Variants in BNIP3L observed in about 807,000 individuals in gnomAD.
The protein encoded by BNIP3L is BCL2 interacting protein 3 like, also known as BCL2/adenovirus E1B 19 kDa protein-interacting protein 3-like.
BNIP3L carries 10 observed loss-of-function variants against 25.5 expected under a neutral mutation model. That is an observed-to-expected ratio of 0.39 (90% CI 0.24 to 0.67). BNIP3L has a LOEUF of 0.67. BNIP3L is among the 30% of genes least tolerant of loss of function. BNIP3L has a pLI of 0.45. For missense variants in BNIP3L, 215 were observed against 270.9 expected (o/e 0.79, Z 1.45); for synonymous variants, 113 against 101.2 (o/e 1.12, Z -0.70).
chr8:26,407,321 G>T (rs546553227), intron 3 of BNIP3L, among the ~76,000 whole-genome samples: 1 of 152,152 alleles, frequency 6.6e-6, no homozygotes, highest in East Asian at 1.9e-4. Flanking sequence ...GAGTAGCTGG[G>T]ACTACAGGTG....
intron 1 of BNIP3L, among the ~76,000 whole-genome samples, chr8:26,390,847 T>A (rs919913016): frequency 6.6e-6 from 1 of 152,158 alleles, no homozygotes; most frequent in Non-Finnish European, 1.5e-5. Context: ...GCAGCTTAGG[T>A]AGACTATGAA....
intron 3 of BNIP3L, among the ~76,000 whole-genome samples, chr8:26,401,717 TTTTAAA>T (rs1391205316): frequency 2.0e-5 from 3 of 152,060 alleles, no homozygotes; most frequent in Non-Finnish European, 4.4e-5. Context: ...TTGAGATAAA[TTTTAAA>T]TTTATCTAAA....
chr8:26,410,025 T>A (rs761162227), intron 5 of BNIP3L, among the ~76,000 whole-genome samples: 5 of 152,320 alleles, frequency 3.3e-5, no homozygotes, highest in Admixed American at 2.6e-4. Flanking sequence ...AGTAGAACCT[T>A]CTGTCCACCA....
At chr8:26,399,985 C>G (rs1173375715) in intron 3 of BNIP3L, among the ~76,000 whole-genome samples, 3 of 151,186 alleles carry the variant, frequency 2.0e-5, no homozygotes, top group Non-Finnish European at 4.4e-5. Context: ...AATGGCCATA[C>G]TGCCCAAGAT....
At chr8:26,387,006 A>C (rs761923198) in intron 1 of BNIP3L, among the ~76,000 whole-genome samples, 1 of 152,224 alleles carries the variant, frequency 6.6e-6, no homozygotes, top group Non-Finnish European at 1.5e-5. Flanking sequence ...CTTTGAGGAA[A>C]GAATGTAAAT....
At chr8:26,383,416 T>A in intron 1 of BNIP3L, 186 bp downstream of exon 1, 4 of 1,426,996 alleles carry the variant, frequency 2.8e-6, no homozygotes, top group Non-Finnish European at 3.7e-6. Flanking sequence ...TCCGGGCCTC[T>A]CTGTTGCCTC....
At chr8:26,391,172 C>T in intron 1 of BNIP3L, 71 bp from the exon 2 acceptor site, 4 of 1,309,540 alleles carry the variant, frequency 3.1e-6, no homozygotes, top group Admixed American at 2.6e-5. Context: ...CTGGATTCAC[C>T]ATGTTCACAT....
chr8:26,383,860 T>C (rs1375548910), intron 1 of BNIP3L, among the ~76,000 whole-genome samples: 1 of 149,522 alleles, frequency 6.7e-6, no homozygotes, highest in African/African-American at 2.5e-5. Context: ...TTTTCCTTTT[T>C]TATTTTTTTA....
At chr8:26,388,159 G>C (rs1806029452) in intron 1 of BNIP3L, among the ~76,000 whole-genome samples, 1 of 152,216 alleles carries the variant, frequency 6.6e-6, no homozygotes, top group Non-Finnish European at 1.5e-5. Context: ...TGGGAGAGAT[G>C]TTAATTTTTA....
chr8:26,395,095 G>C, intron 2 of BNIP3L, 135 bp from the exon 3 acceptor site: 1 of 759,828 alleles, frequency 1.3e-6, no homozygotes, highest in Non-Finnish European at 2.0e-6. Context: ...TTCTTGTATA[G>C]GGTTATGATA....
At chr8:26,402,032 C>G (rs1288937304) in intron 3 of BNIP3L, among the ~76,000 whole-genome samples, 1 of 152,144 alleles carries the variant, frequency 6.6e-6, no homozygotes, top group Non-Finnish European at 1.5e-5. Flanking sequence ...TGAGTCGCAA[C>G]AAAAACCTTG....
intron 3 of BNIP3L, among the ~76,000 whole-genome samples, chr8:26,402,813 A>G (rs970785256): frequency 1.3e-5 from 2 of 152,178 alleles, no homozygotes; most frequent in African/African-American, 4.8e-5. Context: ...ATGTTTCCCA[A>G]GCTTATTTGA....
chr8:26,383,929 C>A (rs969724570), intron 1 of BNIP3L, among the ~76,000 whole-genome samples: 3 of 151,928 alleles, frequency 2.0e-5, no homozygotes, highest in Admixed American at 6.6e-5. Flanking sequence ...GGGTTGTGCG[C>A]CCAGTAAAGC....
chr8:26,390,651 C>T lies in BNIP3L; in HGVS notation c.101-592C>T, dbSNP rs539295749. 2.0e-4 allele frequency: 155 copies of T among 775,732 alleles called. 1 individual carries two copies. In the African/African-American group the frequency reaches 2.7e-3, roughly 14 times the overall value. The allele number at this position is 775,732 out of a possible 1,614,324, so 48.1% of individuals were successfully genotyped here. A position where few individuals can be genotyped will look rare whatever the true frequency, so the allele number is the denominator to read the frequency against. ...ATTATTACCTGATTTAGTTAACCAG[C>T]TGCATTAATTTTATGCTCCTGATTT... On this transcript the variant is annotated intron_variant, in intron 1 of 5. Coordinates refer to ENST00000380629, the MANE Select transcript of BNIP3L (RefSeq NM_004331.3).
intron 2 of BNIP3L, among the ~76,000 whole-genome samples, chr8:26,394,890 C>G (rs1585433706): frequency 6.6e-6 from 1 of 152,074 alleles, no homozygotes; most frequent in South Asian, 2.1e-4. Flanking sequence ...CTCTGAAGTT[C>G]CTGAATTTGA....
At chr8:26,386,115 C>T (rs1805985729) in intron 1 of BNIP3L, among the ~76,000 whole-genome samples, 1 of 152,090 alleles carries the variant, frequency 6.6e-6, no homozygotes, top group Non-Finnish European at 1.5e-5. Context: ...GTTCAGGGGT[C>T]AAAGCAGGGT....
intron 3 of BNIP3L, among the ~76,000 whole-genome samples, chr8:26,396,760 T>A (rs1329333182): frequency 1.4e-5 from 2 of 146,088 alleles, no homozygotes; most frequent in Non-Finnish European, 3.0e-5. Flanking sequence ...GAATAACCAA[T>A]ACAGAGAAGT....
intron 3 of BNIP3L, among the ~76,000 whole-genome samples, chr8:26,400,802 A>G (rs1312626741): frequency 1.1e-5 from 1 of 91,818 alleles, no homozygotes; most frequent in Non-Finnish European, 2.3e-5. Flanking sequence ...GCAGCCAAAA[A>G]ACACATGAAA....
intron 1 of BNIP3L, among the ~76,000 whole-genome samples, chr8:26,388,733 G>A (rs949827708): frequency 4.6e-5 from 7 of 152,140 alleles, no homozygotes; most frequent in Non-Finnish European, 8.8e-5. Context: ...CACTTTGGGA[G>A]GCTGAGGTGG....
Sources: allele counts gnomAD v4.1 joint callset (sites outside exome capture counted in the v4.1 genomes callset), GRCh38; gene constraint gnomAD v4.1.1; transcripts MANE v1.5; gene names NCBI Gene and HGNC (gene_info 2026-07-23, HGNC 2026-07-21).